Variants in SUGCT observed in about 807,000 individuals in gnomAD.
SUGCT encodes succinyl-CoA:glutarate CoA-transferase.
A neutral mutation model predicts 55.0 loss-of-function variants in SUGCT; 41 were observed. That is an observed-to-expected ratio of 0.74 (90% CI 0.58 to 0.97). The LOEUF is 0.97. SUGCT is among the 50% of genes least tolerant of loss of function. The probability of loss-of-function intolerance (pLI) is 0.00; values close to 1 mark genes in which losing one functional copy is unlikely to be tolerated. For synonymous variants in SUGCT, 187 were observed against 200.4 expected, an observed-to-expected ratio of 0.93 and a Z score of 0.56; for missense variants, 568 against 547.8, an observed-to-expected ratio of 1.04 and a Z score of -0.37.
intron 7 of SUGCT, among the ~76,000 whole-genome samples, chr7:40,242,162 CTT>C (rs971149081): frequency 6.8e-6 from 1 of 147,226 alleles, no homozygotes. Flanking sequence ...TTGACAAACT[CTT>C]TTTTTTTCTT....
the SUGCT span, among the ~76,000 whole-genome samples, chr7:40,928,701 G>A: frequency 2.6e-5 from 4 of 151,524 alleles, no homozygotes; most frequent in Non-Finnish European, 5.9e-5. Flanking sequence ...CTAGGTTCAA[G>A]CAATTCTCCT....
intron 8 of SUGCT, among the ~76,000 whole-genome samples, chr7:40,285,787 G>C (rs1479054213): frequency 1.3e-5 from 2 of 152,078 alleles, no homozygotes; most frequent in African/African-American, 4.8e-5. Context: ...TGGTTTGTCG[G>C]CTAGAGTCAT....
chr7:41,033,672 T>A, the SUGCT span, among the ~76,000 whole-genome samples: 1 of 152,156 alleles, frequency 6.6e-6, no homozygotes, highest in Non-Finnish European at 1.5e-5. Flanking sequence ...AAAATGCTTC[T>A]TTCTCTTTCC....
chr7:40,800,782 A>C lies in SUGCT; in HGVS notation c.1153+51285A>C, dbSNP rs550055289. On this transcript the variant is annotated intron_variant, in intron 13 of 13. Transcript: ENST00000335693. ...TTGAAGCTATAGTGTTCTTGATTTA[A>C]TAATAATAATCATAAAGTGTCTACT... 1.2e-3 allele frequency among the ~76,000 whole-genome samples: 177 copies of C among 152,290 alleles called. 1 individual carries two copies. Among genetic ancestry groups the C allele is most frequent in the Non-Finnish European group, 1.8e-3 (122 of 68,036 alleles).
chr7:40,398,373 T>C (rs1785862463), intron 9 of SUGCT, among the ~76,000 whole-genome samples: 1 of 152,164 alleles, frequency 6.6e-6, no homozygotes, highest in African/African-American at 2.4e-5. Context: ...ATTACAGGTG[T>C]GAGCCACCAT....
At chr7:40,167,516 G>A (rs1350895444) in intron 1 of SUGCT, among the ~76,000 whole-genome samples, 1 of 152,188 alleles carries the variant, frequency 6.6e-6, no homozygotes, top group African/African-American at 2.4e-5. Context: ...CTGCTCCCAA[G>A]ATGGCGGCAA....
At chr7:40,144,721 C>T (rs58681548) in intron 1 of SUGCT, among the ~76,000 whole-genome samples, 11 of 152,166 alleles carry the variant, frequency 7.2e-5, no homozygotes, top group African/African-American at 2.7e-4. Context: ...GTGGGGACAT[C>T]AGCAGTGGAC....
Position 40,496,280 on chromosome 7 carries a change from T to C in SUGCT, c.987-4T>C, listed in dbSNP as rs192180976. 6.3e-5 allele frequency: 101 copies of C among 1,605,618 alleles called. No homozygotes were observed. In the East Asian group the frequency reaches 2.0e-3, roughly 32 times the overall value. ...AAAAAATTTATCCTTGTTTGTCTTCTTAGGTTTGAAGAAGAACTGACCAGC... is the reference window on the plus strand; with the variant it reads ...AAAAAATTTATCCTTGTTTGTCTTCCTAGGTTTGAAGAAGAACTGACCAGC... On this transcript the variant is annotated splice_region_variant and splice_polypyrimidine_tract_variant and intron_variant, in intron 11 of 13. Transcript: ENST00000335693.
At chr7:40,689,043 C>CAAGG (rs1197533499) in intron 12 of SUGCT, among the ~76,000 whole-genome samples, 1 of 152,048 alleles carries the variant, frequency 6.6e-6, no homozygotes, top group African/African-American at 2.4e-5. Flanking sequence ...TTCAGTTTAT[C>CAAGG]AAGGAAGGAA....
intron 1 of SUGCT, among the ~76,000 whole-genome samples, chr7:40,138,149 A>C (rs764565603): frequency 3.3e-5 from 5 of 152,042 alleles, no homozygotes; most frequent in Non-Finnish European, 7.4e-5. Flanking sequence ...TTCCCTCTAC[A>C]TCCCCAACCC....
chr7:40,498,954 TGAAAA>T (rs1431874661), intron 12 of SUGCT: 1 of 412,970 alleles, frequency 2.4e-6, no homozygotes, highest in Non-Finnish European at 4.8e-6. Context: ...TTCTGATGAT[TGAAAA>T]TCCTTTTATT....
chr7:40,196,696 T>G (rs915133584), intron 6 of SUGCT, among the ~76,000 whole-genome samples: 4 of 152,074 alleles, frequency 2.6e-5, no homozygotes, highest in African/African-American at 9.7e-5. Flanking sequence ...ACCCGGGTAA[T>G]TTTTTGTGTG....
intron 13 of SUGCT, among the ~76,000 whole-genome samples, chr7:40,845,214 T>C (rs1294226531): frequency 2.0e-5 from 3 of 152,102 alleles, no homozygotes; most frequent in African/African-American, 7.2e-5. Flanking sequence ...GGTACAACAC[T>C]GAGGAGAAGC....
At chr7:40,907,276 A>G in the SUGCT span, among the ~76,000 whole-genome samples, 2 of 152,102 alleles carry the variant, frequency 1.3e-5, no homozygotes, top group African/African-American at 4.8e-5. Flanking sequence ...CTCACCCACT[A>G]CTGTGTTATG....
intron 6 of SUGCT, among the ~76,000 whole-genome samples, chr7:40,236,304 C>T (rs926302756): frequency 6.6e-6 from 1 of 151,674 alleles, no homozygotes; most frequent in Non-Finnish European, 1.5e-5. Context: ...GTGATCCTCC[C>T]GCCTCCCAAA....
intron 13 of SUGCT, among the ~76,000 whole-genome samples, chr7:40,773,491 C>T (rs1041658522): frequency 3.3e-5 from 5 of 152,234 alleles, no homozygotes; most frequent in South Asian, 2.1e-4. Context: ...TTCTCACATA[C>T]GATTTGTTTC....
chr7:40,853,451 G>A (rs1396953703), intron 13 of SUGCT, among the ~76,000 whole-genome samples: 6 of 151,956 alleles, frequency 3.9e-5, no homozygotes, highest in Admixed American at 6.6e-5. Flanking sequence ...TGCAACCTCC[G>A]CCTCCCGGGC....
At chr7:40,751,291 A>T (rs1271353752) in intron 13 of SUGCT, among the ~76,000 whole-genome samples, 1 of 151,948 alleles carries the variant, frequency 6.6e-6, no homozygotes, top group Non-Finnish European at 1.5e-5. Context: ...GAGACTGGAG[A>T]GGTAGGGAGA....
At chr7:40,997,947 C>T in the SUGCT span, among the ~76,000 whole-genome samples, 2 of 152,088 alleles carry the variant, frequency 1.3e-5, no homozygotes, top group African/African-American at 4.8e-5. Flanking sequence ...TCATAAGCAA[C>T]CTGCTCAATG....
Sources: allele counts gnomAD v4.1 joint callset (sites outside exome capture counted in the v4.1 genomes callset), GRCh38; gene constraint gnomAD v4.1.1; transcripts MANE v1.5; gene names NCBI Gene and HGNC (gene_info 2026-07-23, HGNC 2026-07-21).